Variants in ROR2 observed in about 807,000 individuals in gnomAD.
The protein encoded by ROR2 is tyrosine-protein kinase transmembrane receptor ROR2.
In ROR2, 33 loss-of-function variants were observed where a neutral mutation model predicts 74.9. The observed-to-expected ratio is 0.44, with a 90% CI of 0.33 to 0.59. The LOEUF (loss-of-function observed/expected upper bound fraction) is 0.59. ROR2 is among the 20% of genes least tolerant of loss of function. The pLI is 0.02. For synonymous variants in ROR2, 586 were observed against 558.7 expected (o/e 1.05, Z -0.69); for missense variants, 1,216 against 1,313.8 (o/e 0.93, Z 1.15).
At chr9:91,949,824 C>G (rs1038262590) in intron 1 of ROR2, 43 bp downstream of exon 1, 11 of 1,243,076 alleles carry the variant, frequency 8.8e-6, no homozygotes, top group East Asian at 7.7e-5. Context: ...CCAAGCGAGC[C>G]GTGAGCTACC....
At chr9:91,785,094 T>TATAC (rs1364853135) in intron 1 of ROR2, among the ~76,000 whole-genome samples, 1 of 152,084 alleles carries the variant, frequency 6.6e-6, no homozygotes. Context: ...TACACACACG[T>TATAC]ATACACACAC....
At chr9:91,825,489 G>A (rs1448506674) in intron 1 of ROR2, among the ~76,000 whole-genome samples, 2 of 152,190 alleles carry the variant, frequency 1.3e-5, no homozygotes, top group African/African-American at 2.4e-5. Context: ...GGAAGACCTG[G>A]ACAGCTGCCA....
chr9:91,872,978 TAC>T (rs1390484018), intron 1 of ROR2, among the ~76,000 whole-genome samples: 2 of 152,244 alleles, frequency 1.3e-5, no homozygotes, highest in African/African-American at 4.8e-5. Flanking sequence ...AGAACCTAAG[TAC>T]AGTTTCTCTG....
chr9:91,729,292 C>T (rs1257673368), intron 7 of ROR2, among the ~76,000 whole-genome samples: 2 of 152,228 alleles, frequency 1.3e-5, no homozygotes, highest in African/African-American at 2.4e-5. Context: ...TGTCCTACAA[C>T]CTGCTTTTGT....
chr9:91,723,103 C>T lies in ROR2; in HGVS notation c.*559G>A, dbSNP rs1229605673. ...CCCATTTCAGAAGCCCCTTGTCTTCCGACCCCAACAGGCAGCAGAGGGCAG... is the reference window on the plus strand; with the variant it reads ...CCCATTTCAGAAGCCCCTTGTCTTCTGACCCCAACAGGCAGCAGAGGGCAG... On this transcript the variant is annotated 3_prime_UTR_variant, in exon 9 of 9. Coordinates refer to ENST00000375708, the MANE Select transcript of ROR2 (RefSeq NM_004560.4). 2.5e-5 allele frequency: 4 copies of T among 160,330 alleles called. No individual in the cohort carries two copies. Among genetic ancestry groups the T allele is most frequent in the Non-Finnish European group, 5.5e-5 (4 of 72,644 alleles). The allele number at this position is 160,330 out of a possible 1,614,324, so 9.9% of individuals were successfully genotyped here.
At chr9:91,768,132 C>A (rs955496800) in intron 2 of ROR2, among the ~76,000 whole-genome samples, 2 of 152,112 alleles carry the variant, frequency 1.3e-5, no homozygotes, top group African/African-American at 4.8e-5. Flanking sequence ...GAGCTCAGAC[C>A]GAAGCATGGC....
intron 4 of ROR2, among the ~76,000 whole-genome samples, chr9:91,742,081 TAC>T (rs1266804077): frequency 2.0e-5 from 3 of 152,192 alleles, no homozygotes; most frequent in African/African-American, 7.2e-5. Context: ...TAATTGGACT[TAC>T]AGTTCCACAT....
At chr9:91,803,725 G>A (rs2119067695) in intron 1 of ROR2, among the ~76,000 whole-genome samples, 1 of 152,196 alleles carries the variant, frequency 6.6e-6, no homozygotes, top group Non-Finnish European at 1.5e-5. Flanking sequence ...GGTCCTTGGG[G>A]GGCCCACAGC....
intron 1 of ROR2, among the ~76,000 whole-genome samples, chr9:91,808,078 AT>A (rs1188545283): frequency 1.3e-5 from 2 of 151,796 alleles, no homozygotes; most frequent in Non-Finnish European, 1.5e-5. Context: ...GAAGAAAATT[AT>A]TTCTATAAAC....
chr9:91,791,297 C>T (rs548803811), intron 1 of ROR2, among the ~76,000 whole-genome samples: 2 of 152,328 alleles, frequency 1.3e-5, no homozygotes, highest in African/African-American at 4.8e-5. Context: ...AGTCCAGTAA[C>T]ATGCTGTACA....
chr9:91,859,371 G>T (rs1029595794), intron 1 of ROR2, among the ~76,000 whole-genome samples: 1 of 151,878 alleles, frequency 6.6e-6, no homozygotes, highest in Non-Finnish European at 1.5e-5. Context: ...TGCTAATTTT[G>T]TATTTTTAGT....
At chr9:91,937,093 G>A (rs1482661278) in intron 1 of ROR2, among the ~76,000 whole-genome samples, 3 of 148,356 alleles carry the variant, frequency 2.0e-5, no homozygotes, top group African/African-American at 7.5e-5. Context: ...AGAAAATTAT[G>A]ATTTTCTGCA....
intron 2 of ROR2, among the ~76,000 whole-genome samples, chr9:91,760,449 C>T (rs961350984): frequency 2.6e-5 from 4 of 151,992 alleles, no homozygotes; most frequent in African/African-American, 9.7e-5. Context: ...CTGGCTAACA[C>T]AGTGAAACCC....
At chr9:91,852,151 T>C (rs560483869) in intron 1 of ROR2, among the ~76,000 whole-genome samples, 3 of 152,284 alleles carry the variant, frequency 2.0e-5, no homozygotes, top group South Asian at 4.1e-4. Context: ...GTTACAGATA[T>C]ATAAAAATGC....
In ROR2 at chr9:91,948,833, C is replaced by A. The variant is rs922189401; in HGVS notation, c.97+1034G>T. On this transcript the variant is annotated intron_variant, in intron 1 of 8. Coordinates refer to ENST00000375708, the MANE Select transcript of ROR2 (RefSeq NM_004560.4). ...TCTCTGGCGCTCCTGGGCCTGAAGG[C>A]CCCGCCCGCCCTCCTCCACCCCCGC... is the stretch of plus-strand genomic sequence containing the variant. 8 of 985,326 alleles carry A rather than the reference C, an allele frequency of 8.1e-6. No individual in the cohort carries two copies. In the African/African-American group the frequency reaches 1.4e-4, roughly 17 times the overall value. 61.0% of individuals were successfully genotyped at this position (985,326 alleles called of 1,614,324 possible).
chr9:91,886,366 C>A (rs1276086021), intron 1 of ROR2, among the ~76,000 whole-genome samples: 3 of 152,202 alleles, frequency 2.0e-5, no homozygotes, highest in African/African-American at 7.2e-5. Context: ...CTAGACAGAA[C>A]TGGACCGACA....
intron 1 of ROR2, among the ~76,000 whole-genome samples, chr9:91,825,499 A>T (rs1322049668): frequency 6.6e-6 from 1 of 152,232 alleles, no homozygotes; most frequent in Non-Finnish European, 1.5e-5. Flanking sequence ...GACAGCTGCC[A>T]TTGCCCAGAC....
At chr9:91,812,242 T>C (rs1827776471) in intron 1 of ROR2, among the ~76,000 whole-genome samples, 1 of 152,180 alleles carries the variant, frequency 6.6e-6, no homozygotes, top group African/African-American at 2.4e-5. Context: ...TCCTTGTGTG[T>C]GTTTGTGTGA....
In ROR2 at chr9:91,850,823, T is replaced by A. The variant is rs189221402; in HGVS notation, c.98-75005A>T. ...TTTGCCCCTTCAATAGGGCTTCTAT[T>A]AAGATTTACCAATTATTTCTATTAC... On this transcript the variant is annotated intron_variant, in intron 1 of 8. Coordinates refer to ENST00000375708, the MANE Select transcript of ROR2 (RefSeq NM_004560.4). 4.0e-3 allele frequency among the ~76,000 whole-genome samples: 606 copies of A among 152,344 alleles called. 1 individual carries two copies. Among genetic ancestry groups the A allele is most frequent in the Non-Finnish European group, 6.2e-3 (425 of 68,038 alleles).
Sources: allele counts gnomAD v4.1 joint callset (sites outside exome capture counted in the v4.1 genomes callset), GRCh38; gene constraint gnomAD v4.1.1; transcripts MANE v1.5; gene names NCBI Gene and HGNC (gene_info 2026-07-23, HGNC 2026-07-21).